The following PPP1R9A variants were observed in gnomAD, a reference collection of about 807,000 sequenced individuals.
PPP1R9A encodes the protein neurabin-1.
PPP1R9A carries 59 observed loss-of-function variants against 141.9 expected under a neutral mutation model. The ratio of observed to expected loss-of-function variants is 0.42; its 90% CI spans 0.34 to 0.52. PPP1R9A has a LOEUF of 0.52. PPP1R9A is among the 20% of genes least tolerant of loss of function. The pLI is 0.10. For synonymous variants in PPP1R9A, 500 were observed against 569.7 expected, an observed-to-expected ratio of 0.88 and a Z score of 1.74; for missense variants, 1,444 against 1,611.9, an observed-to-expected ratio of 0.90 and a Z score of 1.78.
intron 2 of PPP1R9A, among the ~76,000 whole-genome samples, chr7:94,922,230 A>G (rs1792939487): frequency 2.0e-5 from 3 of 151,926 alleles, no homozygotes; most frequent in Admixed American, 2.0e-4. Context: ...GAAAGGGTGT[A>G]TTAGTTTATA....
intron 4 of PPP1R9A, among the ~76,000 whole-genome samples, chr7:95,132,238 A>G (rs1824781862): frequency 1.3e-5 from 2 of 152,152 alleles, no homozygotes; most frequent in Admixed American, 1.3e-4. Flanking sequence ...AGGAGTAATG[A>G]GAGTGGGCAC....
chr7:94,972,361 C>A (rs967649342), intron 2 of PPP1R9A, among the ~76,000 whole-genome samples: 3 of 151,894 alleles, frequency 2.0e-5, no homozygotes, highest in Non-Finnish European at 4.4e-5. Context: ...AAAGCAACAA[C>A]CTTTCTTAGA....
intron 2 of PPP1R9A, among the ~76,000 whole-genome samples, chr7:95,095,282 T>C (rs546895914): frequency 2.0e-5 from 3 of 152,224 alleles, no homozygotes; most frequent in African/African-American, 7.2e-5. Context: ...TCTGAGGCTG[T>C]GGTGACAACT....
In PPP1R9A at chr7:95,162,123, A is replaced by T. The variant is rs77657404; in HGVS notation, c.1754+152A>T. On this transcript the variant is annotated intron_variant, in intron 5 of 19. Transcript: ENST00000433360. ...AGTTTTAAATATTTTCACCTTTATT[A>T]TAATTAGTTCATGAAAATAGAATTT... 1,719 of 495,024 alleles carry T rather than the reference A, an allele frequency of 3.5e-3. 5 individuals carry two copies. The highest frequency in any genetic ancestry group is 5.4e-3 in the Non-Finnish European group (1,526 of 280,368). The allele number at this position is 495,024 out of a possible 1,614,324, so 30.7% of individuals were successfully genotyped here. A position where few individuals can be genotyped will look rare whatever the true frequency, so the allele number is the denominator to read the frequency against.
At chr7:95,181,328 T>G (rs923494696) in intron 5 of PPP1R9A, among the ~76,000 whole-genome samples, 10 of 140,062 alleles carry the variant, frequency 7.1e-5, no homozygotes, top group Admixed American at 6.8e-4. Context: ...AATATATATA[T>G]AGAATATATA....
intron 2 of PPP1R9A, among the ~76,000 whole-genome samples, chr7:95,005,126 G>A (rs1399729563): frequency 6.6e-6 from 1 of 152,026 alleles, no homozygotes; most frequent in Non-Finnish European, 1.5e-5. Context: ...ATTTTGTTTT[G>A]CTCAATGTTG....
chr7:95,138,369 A>T (rs1025385968), intron 4 of PPP1R9A, among the ~76,000 whole-genome samples: 9 of 152,234 alleles, frequency 5.9e-5, no homozygotes, highest in Non-Finnish European at 1.3e-4. Context: ...CCATATACAA[A>T]GTTAATTCAA....
At chr7:95,181,621 T>G (rs950533011) in intron 5 of PPP1R9A, among the ~76,000 whole-genome samples, 2 of 140,856 alleles carry the variant, frequency 1.4e-5, no homozygotes, top group Admixed American at 1.5e-4. Flanking sequence ...CACATATATA[T>G]TCCATCACAT....
chr7:95,065,806 C>G (rs1377806726), intron 2 of PPP1R9A, among the ~76,000 whole-genome samples: 2 of 152,122 alleles, frequency 1.3e-5, no homozygotes, highest in African/African-American at 4.8e-5. Flanking sequence ...TACACAATTT[C>G]AATTTTTTTA....
intron 1 of PPP1R9A, chr7:94,908,023 C>A (rs1266028985): frequency 6.7e-6 from 1 of 149,686 alleles, no homozygotes; most frequent in Non-Finnish European, 1.5e-5. Flanking sequence ...TGCGGTGTAC[C>A]CAGCGGGCCG....
intron 2 of PPP1R9A, among the ~76,000 whole-genome samples, chr7:95,087,422 T>G (rs2152319697): frequency 6.6e-6 from 1 of 152,162 alleles, no homozygotes; most frequent in Non-Finnish European, 1.5e-5. Flanking sequence ...TAAAGTAAAT[T>G]TTCTTCATTC....
chr7:95,286,579 A>G (rs1308677859), intron 18 of PPP1R9A, among the ~76,000 whole-genome samples: 3 of 152,134 alleles, frequency 2.0e-5, no homozygotes, highest in African/African-American at 7.2e-5. Context: ...TGGGCAGTGC[A>G]GAGTTAAACA....
rs1791325202 is a variant in PPP1R9A at position 94,910,438 on chromosome 7, A to G, written c.325A>G (p.Thr109Ala). 1 of 1,614,184 alleles carries G rather than the reference A, an allele frequency of 6.2e-7. No individual in the cohort carries two copies. Among genetic ancestry groups the G allele is most frequent in the Non-Finnish European group, 8.5e-7 (1 of 1,180,026 alleles). ...GAAGCCCAAAGAATTTCTGGAAAAA[A>G]CAGATGGCTCAGTTGTTAAGTTGGA... The part of the protein sequence containing the change: ...RMKPKEFLEK[T>A]DGSVVKLESS... Residue 109 changes from threonine (T) to alanine (A), a missense_variant, in exon 2 of 20, where the codon ACA becomes GCA. Coordinates refer to ENST00000433360, the MANE Select transcript of PPP1R9A (RefSeq NM_001166160.2). The surrounding 1 kb of genome is among the most constrained non-coding windows in gnomAD (Gnocchi z 4.5).
intron 7 of PPP1R9A, among the ~76,000 whole-genome samples, chr7:95,211,776 C>T (rs575785492): frequency 4.9e-4 from 74 of 152,120 alleles, no homozygotes; most frequent in Non-Finnish European, 9.1e-4. Flanking sequence ...AACTTGAGGC[C>T]AGGAGTTCAA....
intron 7 of PPP1R9A, among the ~76,000 whole-genome samples, chr7:95,215,547 A>G (rs1017008017): frequency 2.0e-5 from 3 of 152,154 alleles, no homozygotes; most frequent in Non-Finnish European, 2.9e-5. Context: ...GAATCGCCAC[A>G]CTGTCTTCCA....
intron 2 of PPP1R9A, among the ~76,000 whole-genome samples, chr7:95,011,505 T>C (rs954280570): frequency 1.8e-4 from 28 of 152,224 alleles, no homozygotes; most frequent in Non-Finnish European, 5.9e-5. Context: ...CCTTATTTTC[T>C]CTGTAAGTGA....
chr7:94,963,860 G>A (rs1797916189), intron 2 of PPP1R9A, among the ~76,000 whole-genome samples: 1 of 152,152 alleles, frequency 6.6e-6, no homozygotes, highest in Non-Finnish European at 1.5e-5. Context: ...CCTCATGTGG[G>A]GGCATTGTGG....
At chr7:95,113,516 TTCCA>T (rs1223790607) in intron 3 of PPP1R9A, among the ~76,000 whole-genome samples, 3 of 152,150 alleles carry the variant, frequency 2.0e-5, no homozygotes, top group Admixed American at 6.6e-5. Context: ...GCTTAAAAAA[TTCCA>T]GGCCAAAAAA....
chr7:95,083,102 A>G (rs1360465885), intron 2 of PPP1R9A, among the ~76,000 whole-genome samples: 3 of 151,862 alleles, frequency 2.0e-5, no homozygotes, highest in East Asian at 3.9e-4. Context: ...GTGGTCCCAT[A>G]ACAAAAGACA....
Sources: gnomAD v4.1 joint callset for allele counts (sites outside exome capture counted in the v4.1 genomes callset) on GRCh38, gnomAD v4.1.1 for gene constraint, Gnocchi (gnomAD v3.1) non-coding constraint, MANE v1.5 for transcripts, NCBI Gene and HGNC (gene_info 2026-07-23, HGNC 2026-07-21) for gene names.